PHF21B: variants seen among roughly 807,000 people sequenced by gnomAD.
The protein encoded by PHF21B is PHD finger protein 21B, also known as PHD finger protein 4.
In PHF21B, 22 loss-of-function variants were observed where a neutral mutation model predicts 62.2. The ratio of observed to expected loss-of-function variants is 0.35; its 90% CI spans 0.25 to 0.51. PHF21B has a LOEUF of 0.51. Among genes scored for constraint, PHF21B ranks in the 20% least tolerant of loss-of-function variants. The pLI is 0.97. For missense variants in PHF21B, 701 were observed against 707.9 expected, an observed-to-expected ratio of 0.99 and a Z score of 0.11; for synonymous variants, 341 against 314.7, an observed-to-expected ratio of 1.08 and a Z score of -0.88.
At chr22:44,968,077 C>T (rs555371879) in intron 2 of PHF21B, among the ~76,000 whole-genome samples, 4 of 152,094 alleles carry the variant, frequency 2.6e-5, no homozygotes, top group Non-Finnish European at 5.9e-5. Flanking sequence ...GACTGTCAGG[C>T]GTCTTCAGAG....
rs1458456189 is a variant in PHF21B, at chr22:44,888,259, GGA to G, written c.1039-140_1039-139del. Reference sequence around the variant, plus strand: ...TGCCAACGTTTCCCAGCAGCTCTACGGAGAGAGAGGGATAAACCCTGGAGGGC... The same window carrying G: ...TGCCAACGTTTCCCAGCAGCTCTACGGAGAGAGGGATAAACCCTGGAGGGC... On this transcript the variant is annotated intron_variant, in intron 9 of 12. Coordinates refer to ENST00000313237, the MANE Select transcript of PHF21B (RefSeq NM_138415.5). 1.4e-5 allele frequency: 15 copies of G among 1,046,722 alleles called. No individual in the cohort carries two copies. In the East Asian group the frequency reaches 3.0e-4, roughly 21 times the overall value. 64.8% of individuals were successfully genotyped at this position (1,046,722 alleles called of 1,614,324 possible).
chr22:44,920,520 C>T, intron 2 of PHF21B, 30 bp from the exon 3 acceptor site: 1 of 1,563,100 alleles, frequency 6.4e-7, no homozygotes. Flanking sequence ...AACGCTGAGA[C>T]AGGAGGAGCA....
rs1485546249 is a variant in PHF21B at position 44,882,287 on chromosome 22, A to G, written c.*799T>C. On this transcript the variant is annotated 3_prime_UTR_variant, in exon 13 of 13. Coordinates refer to ENST00000313237, the MANE Select transcript of PHF21B (RefSeq NM_138415.5). ...AGGGTTGCAGCTCCACTCTGCCCAG[A>G]AACTCCATGAGAAAAACGCATCAAC... 4 of 152,684 alleles carry G rather than the reference A, an allele frequency of 2.6e-5. No individual in the cohort carries two copies. Among genetic ancestry groups the G allele is most frequent in the Non-Finnish European group, 5.9e-5 (4 of 68,084 alleles). 9.5% of individuals were successfully genotyped at this position (152,684 alleles called of 1,614,324 possible).
chr22:44,962,561 T>C (rs2072444748), intron 2 of PHF21B, among the ~76,000 whole-genome samples: 1 of 152,250 alleles, frequency 6.6e-6, no homozygotes, highest in African/African-American at 2.4e-5. Context: ...GAACGTGTAT[T>C]GCTTTTGCAC....
chr22:44,913,999 TGGGGAGGGAGGGGTGAGGGGAAGAGAGGA>T lies in PHF21B; in HGVS notation c.625_653del (p.Ser209IlefsTer123). On this transcript the variant is annotated frameshift_variant, in exon 5 of 13. Coordinates refer to ENST00000313237, the MANE Select transcript of PHF21B (RefSeq NM_138415.5). LOFTEE classifies it high-confidence loss of function. ...CATGGAGGGGTGAAGGGGACAGTGA[TGGGGAGGGAGGGGTGAGGGGAAGAGAGGA>T]GGGGTGGAGGGGACAGTGATGGGTT... 1 of 416,820 alleles carries T rather than the reference TGGGGAGGGAGGGGTGAGGGGAAGAGAGGA, an allele frequency of 2.4e-6. No individual in the cohort carries two copies. Among genetic ancestry groups the T allele is most frequent in the South Asian group, 3.4e-5 (1 of 29,024 alleles). The allele number at this position is 416,820 out of a possible 1,614,324, so 25.8% of individuals were successfully genotyped here. A position where few individuals can be genotyped will look rare whatever the true frequency, so the allele number is the denominator to read the frequency against.
intron 9 of PHF21B, 91 bp from the exon 10 acceptor site, chr22:44,888,212 G>T: frequency 7.5e-7 from 1 of 1,326,154 alleles, no homozygotes; most frequent in South Asian, 1.7e-5. Flanking sequence ...AGCTGTGTCT[G>T]ACCTACATGT....
intron 5 of PHF21B, among the ~76,000 whole-genome samples, chr22:44,912,067 G>A (rs569149416): frequency 2.6e-4 from 40 of 152,344 alleles, no homozygotes; most frequent in African/African-American, 8.7e-4. Context: ...ACCAGATTTC[G>A]GACTTGCATG....
At chr22:45,003,100 C>G in intron 2 of PHF21B, 1 of 152,360 alleles carries the variant, frequency 6.6e-6, no homozygotes, top group Middle Eastern at 3.4e-3. Context: ...GTTGGGTTTC[C>G]AAGGGCAGGG....
At chr22:44,922,547 G>A (rs572490342) in intron 2 of PHF21B, among the ~76,000 whole-genome samples, 6 of 152,056 alleles carry the variant, frequency 3.9e-5, no homozygotes, top group African/African-American at 1.4e-4. Context: ...CAGGAGAATC[G>A]CTTGAACCTG....
intron 2 of PHF21B, among the ~76,000 whole-genome samples, chr22:45,004,339 C>T (rs777995804): frequency 6.7e-6 from 1 of 149,318 alleles, no homozygotes; most frequent in African/African-American, 2.5e-5. Flanking sequence ...GGGCGCAGGG[C>T]GATGAAGGGA....
intron 5 of PHF21B, among the ~76,000 whole-genome samples, chr22:44,900,783 CT>C (rs34015375): frequency 0.41 from 52,249 of 127,996 alleles, 8,600 homozygotes; most frequent in East Asian, 0.61. Context: ...TAAAGTGACT[CT>C]TTTTTTTTTT....
chr22:44,893,628 T>C, intron 6 of PHF21B, 95 bp from the exon 7 acceptor site: 1 of 1,209,994 alleles, frequency 8.3e-7, no homozygotes, highest in Non-Finnish European at 1.2e-6. Flanking sequence ...CATCCCCTCC[T>C]GCTCTGAAGC....
chr22:45,008,938 G>A (rs2073377168), intron 1 of PHF21B: 4 of 1,099,848 alleles, frequency 3.6e-6, no homozygotes, highest in Non-Finnish European at 4.4e-6. Context: ...GGGGAGGGGG[G>A]AGGAACAAAG....
intron 2 of PHF21B, among the ~76,000 whole-genome samples, chr22:44,943,428 C>T (rs989341697): frequency 5.3e-5 from 8 of 152,152 alleles, no homozygotes; most frequent in African/African-American, 1.7e-4. Flanking sequence ...CAGGGAAGTA[C>T]CAGGGAATGT....
At chr22:44,981,154 C>G (rs2072834843) in intron 2 of PHF21B, among the ~76,000 whole-genome samples, 1 of 152,156 alleles carries the variant, frequency 6.6e-6, no homozygotes, top group East Asian at 1.9e-4. Context: ...ATGTCCAAAG[C>G]TTCCCATCAG....
At chr22:44,941,741 T>C (rs2071962102) in intron 2 of PHF21B, among the ~76,000 whole-genome samples, 1 of 152,060 alleles carries the variant, frequency 6.6e-6, no homozygotes, top group African/African-American at 2.4e-5. Flanking sequence ...CGGCAGGGCC[T>C]TCATTCTGGT....
At chr22:45,005,678 G>A (rs1258213855) in intron 2 of PHF21B, among the ~76,000 whole-genome samples, 1 of 152,116 alleles carries the variant, frequency 6.6e-6, no homozygotes, top group Non-Finnish European at 1.5e-5. Flanking sequence ...TGGATAACGG[G>A]GTCATCTGTT....
At chr22:44,954,035 G>C (rs1461890131) in intron 2 of PHF21B, among the ~76,000 whole-genome samples, 7 of 152,214 alleles carry the variant, frequency 4.6e-5, no homozygotes, top group Admixed American at 1.3e-4. Context: ...GCTCAGAGCA[G>C]ACCCCCAGTG....
At chr22:44,963,693 G>A (rs528667527) in intron 2 of PHF21B, among the ~76,000 whole-genome samples, 132 of 152,328 alleles carry the variant, frequency 8.7e-4, no homozygotes, top group African/African-American at 2.8e-3. Flanking sequence ...GGGCCATGTG[G>A]GGCTGAGTCC....
Sources: allele counts gnomAD v4.1 joint callset (sites outside exome capture counted in the v4.1 genomes callset), GRCh38; gene constraint gnomAD v4.1.1; transcripts MANE v1.5; gene names NCBI Gene and HGNC (gene_info 2026-07-23, HGNC 2026-07-21).